The following NPHP4 variants were observed in gnomAD, a reference collection of about 807,000 sequenced individuals.
The protein encoded by NPHP4 is nephrocystin 4.
NPHP4 carries 151 observed loss-of-function variants against 155.8 expected under a neutral mutation model. That is an observed-to-expected ratio of 0.97 (90% CI 0.85 to 1.11). The LOEUF is 1.11. Among genes scored for constraint, NPHP4 ranks in the 50% least tolerant of loss-of-function variants. The pLI, the probability that NPHP4 is intolerant of heterozygous loss-of-function variation, is 0.00. For synonymous variants in NPHP4, 845 were observed against 816.8 expected (o/e 1.03, Z -0.59); for missense variants, 1,956 against 1,925.7 (o/e 1.02, Z -0.29).
intron 5 of NPHP4, among the ~76,000 whole-genome samples, chr1:5,964,033 T>C (rs1321347725): frequency 6.6e-6 from 1 of 152,236 alleles, no homozygotes; most frequent in African/African-American, 2.4e-5. Flanking sequence ...TGCAGGTCTA[T>C]TCAATCAATC....
chr1:5,895,082 G>A (rs1047084433), intron 16 of NPHP4, among the ~76,000 whole-genome samples: 1 of 151,444 alleles, frequency 6.6e-6, no homozygotes, highest in Non-Finnish European at 1.5e-5. Flanking sequence ...CTACCGCAAG[G>A]ACAGAAACCA....
intron 8 of NPHP4, among the ~76,000 whole-genome samples, chr1:5,947,487 C>T (rs1647168634): frequency 6.6e-6 from 1 of 152,244 alleles, no homozygotes; most frequent in Admixed American, 6.5e-5. Context: ...AAGCAATCCT[C>T]CCGCCTCAGC....
At chr1:5,957,770 G>A (rs538251948) in intron 6 of NPHP4, among the ~76,000 whole-genome samples, 5 of 152,358 alleles carry the variant, frequency 3.3e-5, no homozygotes, top group South Asian at 2.1e-4. Context: ...AAACAAGAAC[G>A]CTGCAACAGC....
intron 19 of NPHP4, among the ~76,000 whole-genome samples, chr1:5,878,051 A>C (rs1454661470): frequency 1.3e-5 from 2 of 152,186 alleles, no homozygotes; most frequent in Non-Finnish European, 2.9e-5. Flanking sequence ...GCTCCCAGAA[A>C]ATCGCTCAGC....
At chr1:5,929,622 C>T (rs1646176513) in intron 10 of NPHP4, among the ~76,000 whole-genome samples, 1 of 152,120 alleles carries the variant, frequency 6.6e-6, no homozygotes, top group African/African-American at 2.4e-5. Context: ...AAATAGAAAA[C>T]AGACTTGCAT....
intron 10 of NPHP4, among the ~76,000 whole-genome samples, chr1:5,930,231 T>A (rs1210756900): frequency 6.6e-6 from 1 of 152,238 alleles, no homozygotes; most frequent in African/African-American, 2.4e-5. Context: ...ACTGATATTT[T>A]CAAACAGGTT....
intron 10 of NPHP4, among the ~76,000 whole-genome samples, chr1:5,928,260 C>T (rs1433552660): frequency 6.6e-6 from 1 of 152,214 alleles, no homozygotes; most frequent in African/African-American, 2.4e-5. Flanking sequence ...CCAGCACTGT[C>T]ATTTCGTCTT....
chr1:5,863,164 A>G lies in NPHP4; in HGVS notation c.*101T>C, dbSNP rs1640811263. On this transcript the variant is annotated 3_prime_UTR_variant, in exon 30 of 30. Coordinates refer to ENST00000378156, the MANE Select transcript of NPHP4 (RefSeq NM_015102.5). ...CACAGGTCAGCCAGGTGGGCACTGAAGTGAAAGGCTGCAGAGAGGCGGGGA... is the reference window on the plus strand; with the variant it reads ...CACAGGTCAGCCAGGTGGGCACTGAGGTGAAAGGCTGCAGAGAGGCGGGGA... 1 of 1,315,190 alleles carries G rather than the reference A, an allele frequency of 7.6e-7. No homozygotes were observed. Among genetic ancestry groups the G allele is most frequent in the South Asian group, 1.2e-5 (1 of 84,238 alleles). The allele number at this position is 1,315,190 out of a possible 1,614,324, so 81.5% of individuals were successfully genotyped here.
chr1:5,886,426 G>T (rs2100839358), intron 18 of NPHP4: 1 of 152,378 alleles, frequency 6.6e-6, no homozygotes, highest in South Asian at 2.1e-4. Flanking sequence ...ATCAGGCTGG[G>T]TTCTAAGGAG....
intron 9 of NPHP4, among the ~76,000 whole-genome samples, chr1:5,943,299 A>C (rs1186927859): frequency 6.6e-6 from 1 of 152,208 alleles, no homozygotes; most frequent in Non-Finnish European, 1.5e-5. Context: ...GTTTGTTTCC[A>C]ATGACTACAA....
intron 9 of NPHP4, among the ~76,000 whole-genome samples, chr1:5,942,027 C>T (rs1250751326): frequency 6.6e-6 from 1 of 152,094 alleles, no homozygotes; most frequent in East Asian, 1.9e-4. Flanking sequence ...TTATTAGCTG[C>T]ATGGAGGAAA....
rs191674474 is a variant in NPHP4 at position 5,961,768 on chromosome 1, G to A, written c.673+26C>T. 1.3e-4 allele frequency: 209 copies of A among 1,600,536 alleles called. 1 individual carries two copies. In the Admixed American group the frequency reaches 3.3e-3, roughly 25 times the overall value. ...AACTAGGACAGACTCACCTCACCAA[G>A]TGGAGAGAATCAAAGACGCCCTTAC... is the stretch of plus-strand genomic sequence containing the variant. On this transcript the variant is annotated intron_variant, in intron 6 of 29. Coordinates refer to ENST00000378156, the MANE Select transcript of NPHP4 (RefSeq NM_015102.5).
chr1:5,978,826 CTG>C (rs1171929905), intron 2 of NPHP4, among the ~76,000 whole-genome samples: 1 of 152,180 alleles, frequency 6.6e-6, no homozygotes, highest in Non-Finnish European at 1.5e-5. Flanking sequence ...TGTGGATTTG[CTG>C]TGAGTCAACA....
At chr1:5,954,549 T>G (rs1207088277) in intron 6 of NPHP4, among the ~76,000 whole-genome samples, 4 of 152,200 alleles carry the variant, frequency 2.6e-5, no homozygotes, top group Admixed American at 2.6e-4. Context: ...TCATGCCACC[T>G]ACAGCTGACT....
intron 3 of NPHP4, among the ~76,000 whole-genome samples, chr1:5,970,621 T>A (rs1256650250): frequency 6.6e-6 from 1 of 152,018 alleles, no homozygotes; most frequent in Non-Finnish European, 1.5e-5. Flanking sequence ...GCTGAGCCCA[T>A]ACCCCAACAC....
At chr1:5,962,353 C>T (rs1650487403) in intron 5 of NPHP4, among the ~76,000 whole-genome samples, 1 of 151,976 alleles carries the variant, frequency 6.6e-6, no homozygotes, top group South Asian at 2.1e-4. Context: ...CCTGGAGGTG[C>T]AGTTTTTAAT....
chr1:5,946,171 C>A (rs1647086674), intron 9 of NPHP4, among the ~76,000 whole-genome samples: 1 of 152,198 alleles, frequency 6.6e-6, no homozygotes, highest in African/African-American at 2.4e-5. Flanking sequence ...CCACTGGGGT[C>A]TTGGAACAAA....
chr1:5,987,497 T>C (rs1053150876), intron 1 of NPHP4, among the ~76,000 whole-genome samples: 4 of 152,078 alleles, frequency 2.6e-5, no homozygotes, highest in Non-Finnish European at 5.9e-5. Context: ...GGAAAGCCAC[T>C]GGGGCCTCAC....
At chr1:5,913,723 C>T (rs1345185490) in intron 11 of NPHP4, among the ~76,000 whole-genome samples, 1 of 152,192 alleles carries the variant, frequency 6.6e-6, no homozygotes, top group Non-Finnish European at 1.5e-5. Flanking sequence ...CAGGCATGCC[C>T]TCAAGCCCAT....
Sources: allele counts gnomAD v4.1 joint callset (sites outside exome capture counted in the v4.1 genomes callset), GRCh38; gene constraint gnomAD v4.1.1; transcripts MANE v1.5; gene names NCBI Gene and HGNC (gene_info 2026-07-23, HGNC 2026-07-21).